The following QPRT variants were observed in gnomAD, a reference collection of about 807,000 sequenced individuals.
QPRT encodes the protein quinolinate phosphoribosyltransferase.
In QPRT, 17 loss-of-function variants were observed where a neutral mutation model predicts 19.8. That is an observed-to-expected ratio of 0.86 (90% CI 0.59 to 1.29). The LOEUF is 1.29. Ranked by LOEUF, QPRT falls within the 50% of genes most tolerant of loss-of-function variation. QPRT has a pLI of 0.00. For missense variants in QPRT, 336 were observed against 405.1 expected, an observed-to-expected ratio of 0.83 and a Z score of 1.46; for synonymous variants, 178 against 191.0, an observed-to-expected ratio of 0.93 and a Z score of 0.56.
chr16:29,694,934 A>G lies in QPRT; in HGVS notation c.284A>G (p.His95Arg). Residue 95 changes from histidine to arginine, a missense_variant, in exon 2 of 4, where the codon CAC (histidine) becomes CGC (arginine). By Grantham distance (29) the His-to-Arg change is conservative. Transcript: ENST00000395384. ...ARVAEVRGPA[H>R]CLLLGERVAL... ...GTGGCCGAGGTCCGGGGCCCTGCCC[A>G]CTGCCTGCTGCTGGGGGAACGGGTG... The G allele has an allele frequency of 1.2e-6, 2 of 1,612,988 alleles. No individual in the cohort carries two copies. The highest frequency in any genetic ancestry group is 1.1e-5 in the South Asian group (1 of 91,074).
At chr16:29,685,647 T>C (rs553509595) in intron 1 of QPRT, among the ~76,000 whole-genome samples, 2 of 152,146 alleles carry the variant, frequency 1.3e-5, no homozygotes, top group East Asian at 1.9e-4. Context: ...CTGTCTCCAG[T>C]TGGTGGCTGA....
chr16:29,687,236 C>CA (rs1967189126), intron 1 of QPRT, among the ~76,000 whole-genome samples: 1 of 152,218 alleles, frequency 6.6e-6, no homozygotes, highest in Non-Finnish European at 1.5e-5. Context: ...TCTCGATGGG[C>CA]AAAGACTGTG....
rs1430256648 is a variant in QPRT, at chr16:29,698,363, G to A, written c.*952G>A. On this transcript the variant is annotated 3_prime_UTR_variant, in exon 4 of 4. Transcript: ENST00000395384. ...AGAAAACAAAACAAAACAGAAGTAA[G>A]ATAAATAGCCAGAAGACCTTGGCGA... 2 of 152,114 alleles carry A rather than the reference G, an allele frequency of 1.3e-5. No individual in the cohort carries two copies. The highest frequency in any genetic ancestry group is 2.9e-5 in the Non-Finnish European group (2 of 68,020). 9.4% of individuals were successfully genotyped at this position (152,114 alleles called of 1,614,324 possible).
intron 1 of QPRT, among the ~76,000 whole-genome samples, chr16:29,692,514 G>GA (rs1967377933): frequency 6.6e-6 from 1 of 151,252 alleles, no homozygotes; most frequent in African/African-American, 2.4e-5. Context: ...CCGGGAGGCG[G>GA]AGCTTGCCGT....
At position 29,694,929 on chromosome 16, in the gene QPRT, T is replaced by C. The variant is rs749719593; in HGVS notation, c.279T>C (p.Pro93=). Reference sequence around the variant, plus strand: ...CCAGAGTGGCCGAGGTCCGGGGCCCTGCCCACTGCCTGCTGCTGGGGGAAC... The same window carrying C: ...CCAGAGTGGCCGAGGTCCGGGGCCCCGCCCACTGCCTGCTGCTGGGGGAAC... ...PVARVAEVRG[P]AHCLLLGERV... The change falls in exon 2 of 4, where the codon CCT becomes CCC. Residue 93 remains proline, a synonymous_variant. Transcript: ENST00000395384. The C allele has an allele frequency of 6.2e-7, 1 of 1,613,172 alleles. No homozygotes were observed. Among genetic ancestry groups the C allele is most frequent in the Non-Finnish European group, 8.5e-7 (1 of 1,179,814 alleles).
chr16:29,680,549 C>G (rs1039057925), intron 1 of QPRT, among the ~76,000 whole-genome samples: 2 of 152,162 alleles, frequency 1.3e-5, no homozygotes, highest in East Asian at 3.9e-4. Flanking sequence ...CCATGCTCTA[C>G]GCTCAGAAGG....
intron 1 of QPRT, 76 bp downstream of exon 1, chr16:29,679,286 C>T: frequency 8.3e-7 from 1 of 1,201,730 alleles, no homozygotes; most frequent in Non-Finnish European, 1.2e-6. Context: ...CCTGGCTTGT[C>T]TCAGCCCCTT....
chr16:29,695,551 G>A (rs1237317531), intron 2 of QPRT, among the ~76,000 whole-genome samples: 1 of 135,504 alleles, frequency 7.4e-6, no homozygotes, highest in Non-Finnish European at 1.5e-5. Context: ...GTGAAGTGAT[G>A]CAATCTCGGC....
chr16:29,696,935 T>C, intron 2 of QPRT, 61 bp from the exon 3 acceptor site: 1 of 1,511,676 alleles, frequency 6.6e-7, no homozygotes, highest in Non-Finnish European at 8.8e-7. Context: ...CCCGGCTCCC[T>C]GCGCCCCAGT....
rs1019416286 is a variant in QPRT, at chr16:29,697,829, T to C, written c.*418T>C. On this transcript the variant is annotated 3_prime_UTR_variant, in exon 4 of 4. Coordinates refer to ENST00000395384, the MANE Select transcript of QPRT (RefSeq NM_014298.6). This position sits in a 1 kb window ranked among gnomAD's most constrained non-coding sequence, Gnocchi z 4.4. ...GGTGAAACCCCATCTCTACCAAAAA[T>C]AGAAGAATTAGCTGGGTGTGGTGGC... 3.2e-5 allele frequency: 5 copies of C among 158,598 alleles called. No individual in the cohort carries two copies. The highest frequency in any genetic ancestry group is 2.8e-5 in the Non-Finnish European group (2 of 72,582). 9.8% of individuals were successfully genotyped at this position (158,598 alleles called of 1,614,324 possible).
Position 29,694,853 on chromosome 16 carries a change from A to G in QPRT, c.203A>G (p.Asn68Ser), listed in dbSNP as rs759693663. ...TTCGATGCCATATTTACCCAACTCA[A>G]CTGCCAAGTCTCCTGGTTCCTCCCC... The part of the protein sequence containing the change: ...PFFDAIFTQL[N>S]CQVSWFLPEG... The change falls in exon 2 of 4, where the codon AAC becomes AGC. Residue 68 changes from asparagine (N) to serine (S), a missense_variant. Transcript: ENST00000395384. 3 of 1,614,054 alleles carry G rather than the reference A, an allele frequency of 1.9e-6. No homozygotes were observed. In the Admixed American group the frequency reaches 5.0e-5, roughly 27 times the overall value.
chr16:29,686,521 C>G (rs377288160), intron 1 of QPRT, among the ~76,000 whole-genome samples: 8 of 152,296 alleles, frequency 5.3e-5, no homozygotes, highest in African/African-American at 1.4e-4. Flanking sequence ...TTTTGAGACG[C>G]AGTCTTGCTC....
intron 1 of QPRT, among the ~76,000 whole-genome samples, chr16:29,683,787 C>A (rs1967082851): frequency 6.6e-6 from 1 of 152,140 alleles, no homozygotes; most frequent in South Asian, 2.1e-4. Context: ...TGGGCCTGAG[C>A]ATCTGAAAGT....
In QPRT at chr16:29,695,184, CGGT is replaced by C; in HGVS notation, c.537_539del (p.Gly180del). 6.4e-7 allele frequency: 1 copy of C among 1,550,836 alleles called. No homozygotes were observed. The highest frequency in any genetic ancestry group is 1.4e-5 in the African/African-American group (1 of 73,722). ...TGAAGGATAACCATGTGGTGGCCGCCGGTGGCGTGGAGAAGGTGCTGGTCCTGC... is the reference window on the plus strand; with the variant it reads ...TGAAGGATAACCATGTGGTGGCCGCCGGCGTGGAGAAGGTGCTGGTCCTGC... On this transcript the variant is annotated inframe_deletion, in exon 2 of 4. Coordinates refer to ENST00000395384, the MANE Select transcript of QPRT (RefSeq NM_014298.6).
At chr16:29,687,569 A>T (rs1967198533) in intron 1 of QPRT, among the ~76,000 whole-genome samples, 1 of 152,154 alleles carries the variant, frequency 6.6e-6, no homozygotes, top group Non-Finnish European at 1.5e-5. Flanking sequence ...TGCTGTTATA[A>T]AATACAGAAA....
chr16:29,697,356 A>T lies in QPRT; in HGVS notation c.839A>T (p.Asp280Val). Residue 280 changes from aspartate (D) to valine (V), a missense_variant, in exon 4 of 4, where the codon GAT becomes GTT. Asp to Val is a radical substitution (Grantham distance 152). Transcript: ENST00000395384. The surrounding 1 kb of genome is among the most constrained non-coding windows in gnomAD (Gnocchi z 4.4). ...CTGACCCAGGCGGCCCCAGCCCTTG[A>T]TTTCTCCCTCAAGCTGTTTGCCAAA... The part of the protein sequence containing the change: ...GMLTQAAPAL[D>V]FSLKLFAKEV... 1 of 1,614,012 alleles carries T rather than the reference A, an allele frequency of 6.2e-7. No individual in the cohort carries two copies.
At chr16:29,689,675 T>G (rs1967268057) in intron 1 of QPRT, among the ~76,000 whole-genome samples, 1 of 152,082 alleles carries the variant, frequency 6.6e-6, no homozygotes, top group African/African-American at 2.4e-5. Flanking sequence ...GTGCCTGACC[T>G]AAGCCTGGTA....
chr16:29,690,102 C>G (rs1967281867), intron 1 of QPRT, among the ~76,000 whole-genome samples: 1 of 151,818 alleles, frequency 6.6e-6, no homozygotes, highest in Non-Finnish European at 1.5e-5. Flanking sequence ...CATTTAGCTC[C>G]CACTTATAAG....
chr16:29,694,623 A>G, intron 1 of QPRT, 41 bp from the exon 2 acceptor site: 1 of 1,506,644 alleles, frequency 6.6e-7, no homozygotes, highest in Non-Finnish European at 8.9e-7. Context: ...TGACAGCAGG[A>G]GAGGCAGCCA....
Sources: allele counts gnomAD v4.1 joint callset (sites outside exome capture counted in the v4.1 genomes callset), GRCh38; gene constraint gnomAD v4.1.1; non-coding constraint Gnocchi (gnomAD v3.1); transcripts MANE v1.5; gene names NCBI Gene and HGNC (gene_info 2026-07-23, HGNC 2026-07-21).